Variants in CDH4 observed in about 807,000 individuals in gnomAD.
CDH4 encodes cadherin 4.
Under a neutral mutation model 86.0 loss-of-function variants are expected in CDH4, and 33 were observed. The ratio of observed to expected loss-of-function variants is 0.38; its 90% CI spans 0.29 to 0.51. The LOEUF (loss-of-function observed/expected upper bound fraction) is 0.51. Ranked by LOEUF, CDH4 falls within the 20% of genes least tolerant of loss-of-function variation. The pLI, the probability that CDH4 is intolerant of heterozygous loss-of-function variation, is 0.86. For missense variants in CDH4, 1,114 were observed against 1,307.4 expected (o/e 0.85, Z 2.28); for synonymous variants, 555 against 549.4 (o/e 1.01, Z -0.14).
rs555658172 is a variant in CDH4 at position 61,652,730 on chromosome 20, A to G, written c.170-90833A>G. Among the ~76,000 whole-genome samples, 197 of 151,334 alleles carry G rather than the reference A, an allele frequency of 1.3e-3. 1 individual carries two copies. The highest frequency in any genetic ancestry group is 4.3e-3 in the African/African-American group (176 of 41,272). On this transcript the variant is annotated intron_variant, in intron 2 of 15. Transcript: ENST00000614565. ...CAAATTCATGGAATCTTGAAATTGA[A>G]TTTTTCCTGGGTAGATTCCCAAGGG...
At chr20:61,406,372 C>G (rs550803455) in intron 2 of CDH4, among the ~76,000 whole-genome samples, 2 of 151,074 alleles carry the variant, frequency 1.3e-5, no homozygotes, top group Non-Finnish European at 3.0e-5. Context: ...CATCTGCCAT[C>G]TGCTCTGCCC....
Position 61,905,971 on chromosome 20 carries a change from G to A in CDH4, c.1189-4451G>A, listed in dbSNP as rs115575607. 4.0e-3 allele frequency among the ~76,000 whole-genome samples: 608 copies of A among 152,130 alleles called. 2 individuals carry two copies. The highest frequency in any genetic ancestry group is 0.014 in the African/African-American group (561 of 41,488). ...CTAGGCTCCACCAGCTCACCATGAC[G>A]CTCCCCTGGACCATGCTTCCTCCAG... On this transcript the variant is annotated intron_variant, in intron 8 of 15. Transcript: ENST00000614565.
intron 2 of CDH4, among the ~76,000 whole-genome samples, chr20:61,494,082 C>T (rs558821854): frequency 1.3e-5 from 2 of 152,330 alleles, no homozygotes; most frequent in Admixed American, 6.5e-5. Flanking sequence ...GCTCATCACA[C>T]ACAACTCCAG....
chr20:61,762,721 G>A (rs2088650425), intron 3 of CDH4, among the ~76,000 whole-genome samples: 1 of 152,234 alleles, frequency 6.6e-6, no homozygotes, highest in Admixed American at 6.5e-5. Context: ...AGGCTCTGCA[G>A]CTACAGAAGC....
chr20:61,589,528 G>A (rs957492384), intron 2 of CDH4, among the ~76,000 whole-genome samples: 3 of 152,130 alleles, frequency 2.0e-5, no homozygotes, highest in Admixed American at 2.0e-4. Flanking sequence ...AATTCCACAA[G>A]TGGCATGCAG....
chr20:61,271,695 AC>A (rs1162095238), intron 2 of CDH4, among the ~76,000 whole-genome samples: 6 of 152,034 alleles, frequency 3.9e-5, no homozygotes, highest in Non-Finnish European at 8.8e-5. Context: ...TGATTTTTCC[AC>A]CCCACCAACC....
At position 61,430,042 on chromosome 20, in the gene CDH4, G is replaced by A. The variant is rs574288724; in HGVS notation, c.169+175105G>A. On this transcript the variant is annotated intron_variant, in intron 2 of 15. Coordinates refer to ENST00000614565, the MANE Select transcript of CDH4 (RefSeq NM_001794.5). The stretch of plus-strand genomic sequence containing the variant: ...CTTGGCCCAGCCGCAGAGATTCTGA[G>A]TCAGCAGATTTCCCATGGATCTGGA... 6.6e-5 allele frequency among the ~76,000 whole-genome samples: 10 copies of A among 152,344 alleles called. No individual in the cohort carries two copies. The East Asian group carries it at 1.7e-3, about 26-fold the overall frequency.
At chr20:61,662,632 G>A (rs11908152) in intron 2 of CDH4, among the ~76,000 whole-genome samples, 40,495 of 152,086 alleles carry the variant, frequency 0.27, 6,739 homozygotes, top group African/African-American at 0.48. Flanking sequence ...CTCGCAGGGC[G>A]TCAAGTGCAC....
rs1218383831 is a variant in CDH4 at position 61,924,488 on chromosome 20, C to A, written c.1771+12C>A. On this transcript the variant is annotated intron_variant, in intron 11 of 15. Coordinates refer to ENST00000614565, the MANE Select transcript of CDH4 (RefSeq NM_001794.5). The stretch of plus-strand genomic sequence containing the variant: ...GGCAGCTGACAATGGTGCGGCCCAC[C>A]CCAGGGAGGCAGCCGTCTCGGTGGC... 26 of 1,609,370 alleles carry A rather than the reference C, an allele frequency of 1.6e-5. No individual in the cohort carries two copies. The highest frequency in any genetic ancestry group is 2.2e-5 in the Non-Finnish European group (26 of 1,177,598).
At chr20:61,574,936 A>G (rs1449287074) in intron 2 of CDH4, among the ~76,000 whole-genome samples, 1 of 152,208 alleles carries the variant, frequency 6.6e-6, no homozygotes, top group Admixed American at 6.5e-5. Context: ...GAGCAAAGAT[A>G]AGCTAAAGCA....
At position 61,709,641 on chromosome 20, in the gene CDH4, C is replaced by T. The variant is rs1381381850; in HGVS notation, c.170-33922C>T. On this transcript the variant is annotated intron_variant, in intron 2 of 15. Transcript: ENST00000614565. The surrounding 1 kb of genome is among the most constrained non-coding windows in gnomAD (Gnocchi z 4.8). Reference sequence around the variant, plus strand: ...TCACAGAGTGAGCAGAGGTGCATGGCAGAGAAGGTAGCATGGTTTCCAGAG... The same window carrying T: ...TCACAGAGTGAGCAGAGGTGCATGGTAGAGAAGGTAGCATGGTTTCCAGAG... Among the ~76,000 whole-genome samples, 2 of 151,616 alleles carry T rather than the reference C, an allele frequency of 1.3e-5. No homozygotes were observed. The highest frequency in any genetic ancestry group is 4.8e-5 in the African/African-American group (2 of 41,286).
At chr20:61,848,354 G>A (rs188232395) in intron 5 of CDH4, among the ~76,000 whole-genome samples, 2 of 152,280 alleles carry the variant, frequency 1.3e-5, no homozygotes, top group Admixed American at 6.5e-5. Context: ...TTGCACACAC[G>A]TTGCCTTCCC....
intron 2 of CDH4, among the ~76,000 whole-genome samples, chr20:61,426,565 C>T (rs569921368): frequency 2.5e-4 from 38 of 152,326 alleles, no homozygotes; most frequent in Middle Eastern, 3.4e-3. Flanking sequence ...ACCTGCCTTT[C>T]CGCTGTATGT....
chr20:61,875,928 C>T (rs1021069796), intron 7 of CDH4, among the ~76,000 whole-genome samples: 62 of 120,746 alleles, frequency 5.1e-4, no homozygotes, highest in Admixed American at 3.0e-3. Context: ...CCCCTGTTTG[C>T]GCTCCCCCAA....
At chr20:61,780,202 C>T (rs1978464375) in intron 4 of CDH4, among the ~76,000 whole-genome samples, 2 of 152,140 alleles carry the variant, frequency 1.3e-5, no homozygotes, top group Non-Finnish European at 1.5e-5. Context: ...CAGACTGGCT[C>T]GTAGCTTCCA....
At chr20:61,403,770 C>T (rs35063225) in intron 2 of CDH4, among the ~76,000 whole-genome samples, 2 of 152,034 alleles carry the variant, frequency 1.3e-5, no homozygotes, top group Admixed American at 1.3e-4. Flanking sequence ...TTTTTTGGCA[C>T]AGATAGTAGA....
intron 2 of CDH4, among the ~76,000 whole-genome samples, chr20:61,344,724 A>T (rs2084667676): frequency 6.6e-6 from 1 of 152,138 alleles, no homozygotes; most frequent in Non-Finnish European, 1.5e-5. Flanking sequence ...CTTGTTTCCC[A>T]GTGTCTTGTG....
chr20:61,841,862 C>T (rs2146097877), intron 4 of CDH4, among the ~76,000 whole-genome samples: 1 of 152,264 alleles, frequency 6.6e-6, no homozygotes, highest in South Asian at 2.1e-4. Flanking sequence ...CCCCATGGCG[C>T]CTTTATGATG....
chr20:61,772,815 A>AT lies in CDH4; in HGVS notation c.397-177dup, dbSNP rs376341349. On this transcript the variant is annotated intron_variant, in intron 3 of 15. Coordinates refer to ENST00000614565, the MANE Select transcript of CDH4 (RefSeq NM_001794.5). ...ATCATATTGATGGGGGTCTCACTTG[A>AT]TTTTTTTTTTTCCCTAATAGTTCCT... Among the ~76,000 whole-genome samples the AT allele has an allele frequency of 1.6e-3, 225 of 144,682 alleles. 5 individuals are homozygous for AT. In the South Asian group the frequency reaches 0.025, roughly 16 times the overall value. The allele number at this position is 144,682 out of a possible 152,430, so 94.9% of individuals were successfully genotyped here.
Sources: gnomAD v4.1 joint callset for allele counts (sites outside exome capture counted in the v4.1 genomes callset) on GRCh38, gnomAD v4.1.1 for gene constraint, Gnocchi (gnomAD v3.1) non-coding constraint, MANE v1.5 for transcripts, NCBI Gene and HGNC (gene_info 2026-07-23, HGNC 2026-07-21) for gene names.